DENND1A: variants seen among roughly 807,000 people sequenced by gnomAD.
The protein encoded by DENND1A is DENN domain-containing protein 1A.
Under a neutral mutation model 113.7 loss-of-function variants are expected in DENND1A, and 51 were observed. The observed-to-expected ratio is 0.45, with a 90% confidence interval of 0.36 to 0.57. DENND1A has a LOEUF of 0.57. DENND1A is among the 20% of genes least tolerant of loss of function. The pLI, the probability that DENND1A is intolerant of heterozygous loss-of-function variation, is 0.00. For missense variants in DENND1A, 1,258 were observed against 1,395.9 expected, an observed-to-expected ratio of 0.90 and a Z score of 1.57; for synonymous variants, 565 against 570.8, an observed-to-expected ratio of 0.99 and a Z score of 0.14.
chr9:123,728,336 G>C (rs1008211827), intron 5 of DENND1A, among the ~76,000 whole-genome samples: 6 of 151,188 alleles, frequency 4.0e-5, no homozygotes, highest in Non-Finnish European at 5.9e-5. Context: ...AATTAGCCAG[G>C]CGTGGTGGCA....
At chr9:123,758,968 T>C (rs1009897420) in intron 4 of DENND1A, among the ~76,000 whole-genome samples, 7 of 152,090 alleles carry the variant, frequency 4.6e-5, no homozygotes, top group African/African-American at 1.7e-4. Flanking sequence ...GCCCAGCTAA[T>C]TTTTTTATAT....
At chr9:123,441,029 C>T (rs957183749) in intron 18 of DENND1A, among the ~76,000 whole-genome samples, 14 of 152,106 alleles carry the variant, frequency 9.2e-5, no homozygotes, top group Admixed American at 2.6e-4. Context: ...ATTCAAAATG[C>T]CAGTGATATA....
chr9:123,584,448 G>A (rs967265910), intron 11 of DENND1A, among the ~76,000 whole-genome samples: 3 of 152,212 alleles, frequency 2.0e-5, no homozygotes, highest in African/African-American at 7.2e-5. Flanking sequence ...CACCAGTCGG[G>A]GAATGGGGGC....
At chr9:123,629,177 T>G (rs1322792730) in intron 10 of DENND1A, among the ~76,000 whole-genome samples, 2 of 152,188 alleles carry the variant, frequency 1.3e-5, no homozygotes, top group Non-Finnish European at 2.9e-5. Flanking sequence ...TGACCTGGAC[T>G]CAATCACTCC....
intron 20 of DENND1A, among the ~76,000 whole-genome samples, chr9:123,410,023 C>T (rs546101877): frequency 3.1e-4 from 47 of 152,252 alleles, no homozygotes; most frequent in East Asian, 9.7e-4. Context: ...ATCCAGGAGG[C>T]GGAGCCTGCA....
At chr9:123,708,798 G>T (rs2066397488) in intron 5 of DENND1A, among the ~76,000 whole-genome samples, 1 of 152,122 alleles carries the variant, frequency 6.6e-6, no homozygotes, top group Non-Finnish European at 1.5e-5. Context: ...GGAGCCTTCT[G>T]TTTTAGCATT....
chr9:123,496,500 T>C lies in DENND1A; in HGVS notation c.994-38603A>G, dbSNP rs550040760. 2.6e-5 allele frequency among the ~76,000 whole-genome samples: 4 copies of C among 152,326 alleles called. No individual in the cohort carries two copies. In the East Asian group the frequency reaches 7.7e-4, roughly 29 times the overall value. ...TTTCACTGGTATTTACAACTAAGCA[T>C]ATAAATACCCAAAGCGAGACTCCCC... On this transcript the variant is annotated intron_variant, in intron 13 of 23. Coordinates refer to ENST00000394215, the MANE Select transcript of DENND1A (RefSeq NM_001352964.2).
chr9:123,448,649 C>T (rs551774910), intron 18 of DENND1A, among the ~76,000 whole-genome samples: 1 of 152,308 alleles, frequency 6.6e-6, no homozygotes, highest in Non-Finnish European at 1.5e-5. Context: ...GTAAAGAATG[C>T]CACCTGCCAG....
chr9:123,577,576 G>GGAT (rs1263319771), intron 12 of DENND1A, among the ~76,000 whole-genome samples: 4 of 152,090 alleles, frequency 2.6e-5, no homozygotes, highest in Non-Finnish European at 5.9e-5. Context: ...ATCGAATATT[G>GGAT]GATTGTGTTG....
At chr9:123,776,232 T>C (rs1830451602) in intron 3 of DENND1A, among the ~76,000 whole-genome samples, 1 of 152,178 alleles carries the variant, frequency 6.6e-6, no homozygotes. Flanking sequence ...TCTCAAGGTA[T>C]GATTGAGCAT....
intron 10 of DENND1A, among the ~76,000 whole-genome samples, chr9:123,620,953 C>A (rs2060929960): frequency 6.6e-6 from 1 of 152,144 alleles, no homozygotes; most frequent in Non-Finnish European, 1.5e-5. Context: ...ACCTATCTTC[C>A]TATGCCCACT....
chr9:123,617,052 A>C (rs1464690852), intron 10 of DENND1A, among the ~76,000 whole-genome samples: 1 of 152,258 alleles, frequency 6.6e-6, no homozygotes, highest in South Asian at 2.1e-4. Flanking sequence ...AGAGGAACCC[A>C]TGGCTCAAAG....
At position 123,484,664 on chromosome 9, in the gene DENND1A, C is replaced by T. The variant is rs150843938; in HGVS notation, c.994-26767G>A. On this transcript the variant is annotated intron_variant, in intron 13 of 23. Coordinates refer to ENST00000394215, the MANE Select transcript of DENND1A (RefSeq NM_001352964.2). ...GCCACACTGAGTGCTTGCAGGTCTA[C>T]GAATGCACAAGGCATTCAGTTCTCC... Among the ~76,000 whole-genome samples the T allele has an allele frequency of 6.6e-3, 998 of 152,328 alleles. 14 individuals are homozygous for T. Among genetic ancestry groups the T allele is most frequent in the African/African-American group, 0.022 (916 of 41,560 alleles).
At chr9:123,531,552 TCTACACACACACACACACACACACACAC>T (rs2055309289) in intron 13 of DENND1A, among the ~76,000 whole-genome samples, 1 of 133,788 alleles carries the variant, frequency 7.5e-6, no homozygotes, top group African/African-American at 2.9e-5. Flanking sequence ...CCCCTCTCTC[TCTACACACACACACACACACACACACAC>T]ACACACACAC....
intron 4 of DENND1A, among the ~76,000 whole-genome samples, chr9:123,758,572 G>C (rs1248619950): frequency 1.3e-5 from 2 of 152,098 alleles, no homozygotes; most frequent in Non-Finnish European, 2.9e-5. Flanking sequence ...CATAATTTCT[G>C]AATTTATGAG....
chr9:123,717,916 T>C (rs934642159), intron 5 of DENND1A, among the ~76,000 whole-genome samples: 5 of 152,206 alleles, frequency 3.3e-5, no homozygotes, highest in African/African-American at 1.2e-4. Context: ...AAGGCAATTT[T>C]GGAAACATAC....
At chr9:123,536,756 C>T (rs550989070) in intron 13 of DENND1A, among the ~76,000 whole-genome samples, 3 of 151,366 alleles carry the variant, frequency 2.0e-5, no homozygotes, top group South Asian at 2.1e-4. Flanking sequence ...AGGACAGATA[C>T]GAGAGAGAGA....
chr9:123,847,149 G>T (rs906350467), intron 2 of DENND1A, among the ~76,000 whole-genome samples: 9 of 152,070 alleles, frequency 5.9e-5, no homozygotes, highest in Admixed American at 5.9e-4. Context: ...GCCATAAATG[G>T]ATGGTTTTAA....
At chr9:123,517,550 G>C (rs1438588550) in intron 13 of DENND1A, among the ~76,000 whole-genome samples, 1 of 148,856 alleles carries the variant, frequency 6.7e-6, no homozygotes, top group African/African-American at 2.5e-5. Flanking sequence ...ACCCAGGAGG[G>C]GGAGGTTGCA....
Sources: allele counts gnomAD v4.1 joint callset (sites outside exome capture counted in the v4.1 genomes callset), GRCh38; gene constraint gnomAD v4.1.1; transcripts MANE v1.5; gene names NCBI Gene and HGNC (gene_info 2026-07-23, HGNC 2026-07-21).